Variants in SMIM36 observed in about 807,000 individuals in gnomAD.
SMIM36 encodes the protein small integral membrane protein 36.
Position 55,491,459 on chromosome 17 carries a change from C to T in SMIM36, c.*175-11879G>A, listed in dbSNP as rs1909705236. On this transcript the variant is annotated intron_variant, in intron 1 of 4. Coordinates refer to ENST00000636752, the Ensembl canonical transcript of SMIM36. ...AAGAGAAACAACCCCACTAGGGCAG[C>T]TGCTGCTCCAAATTCATTCTCTCCC... 2.0e-5 allele frequency among the ~76,000 whole-genome samples: 3 copies of T among 152,160 alleles called. No homozygotes were observed. In the South Asian group the frequency reaches 6.2e-4, roughly 32 times the overall value.
chr17:55,490,499 C>G (rs1438641034), intron 1 of SMIM36, among the ~76,000 whole-genome samples: 1 of 152,108 alleles, frequency 6.6e-6, no homozygotes, highest in Admixed American at 6.6e-5. Context: ...GGTTTGTACA[C>G]TTGACATTTT....
intron 3 of SMIM36, among the ~76,000 whole-genome samples, chr17:55,469,778 G>A (rs1316398173): frequency 6.6e-6 from 1 of 152,134 alleles, no homozygotes; most frequent in Non-Finnish European, 1.5e-5. Context: ...AGGAGTTCGA[G>A]ACAAGCCTGG....
chr17:55,519,300 T>C, the SMIM36 span, among the ~76,000 whole-genome samples: 45 of 151,968 alleles, frequency 3.0e-4, no homozygotes, highest in East Asian at 8.5e-3. Context: ...AGGAAGGAAA[T>C]AGTTCTGTTA....
At chr17:55,486,688 C>T (rs984941677) in intron 1 of SMIM36, among the ~76,000 whole-genome samples, 5 of 152,172 alleles carry the variant, frequency 3.3e-5, no homozygotes, top group African/African-American at 1.2e-4. Context: ...CGTGCCCTAC[C>T]TTATATTCTA....
chr17:55,517,928 C>A, the SMIM36 span, among the ~76,000 whole-genome samples: 1 of 152,096 alleles, frequency 6.6e-6, no homozygotes, highest in Non-Finnish European at 1.5e-5. Context: ...ATCCCAACAT[C>A]TAAATGTTAA....
chr17:55,517,389 G>A, the SMIM36 span, among the ~76,000 whole-genome samples: 1 of 152,090 alleles, frequency 6.6e-6, no homozygotes, highest in African/African-American at 2.4e-5. Context: ...CATCTCTACT[G>A]AAAATACAAA....
intron 1 of SMIM36, among the ~76,000 whole-genome samples, chr17:55,483,595 C>G (rs540525125): frequency 6.6e-6 from 1 of 152,278 alleles, no homozygotes; most frequent in East Asian, 1.9e-4. Flanking sequence ...CTCTGGGTTT[C>G]TAGTCTGCCT....
At chr17:55,465,172 T>C (rs537900002) in intron 4 of SMIM36, among the ~76,000 whole-genome samples, 7 of 152,302 alleles carry the variant, frequency 4.6e-5, no homozygotes, top group African/African-American at 1.7e-4. Flanking sequence ...AATATTAAAA[T>C]TGGAGACTGT....
exon 1 of SMIM36, chr17:55,510,896 G>A (rs906167179): frequency 2.6e-6 from 1 of 388,676 alleles, no homozygotes; most frequent in Non-Finnish European, 4.5e-6. Flanking sequence ...AGTTACTTTT[G>A]TCACAAAGAA....
At chr17:55,451,293 A>G (rs928574157) in intron 4 of SMIM36, among the ~76,000 whole-genome samples, 1 of 152,166 alleles carries the variant, frequency 6.6e-6, no homozygotes, top group Non-Finnish European at 1.5e-5. Flanking sequence ...ATTTTCTACC[A>G]GTGTCTCCAT....
At chr17:55,494,407 T>TA (rs1567869079) in intron 1 of SMIM36, among the ~76,000 whole-genome samples, 1 of 152,182 alleles carries the variant, frequency 6.6e-6, no homozygotes, top group Non-Finnish European at 1.5e-5. Context: ...TTTAATTTTT[T>TA]AAAAAAACTT....
chr17:55,500,143 C>G (rs1198930098), intron 1 of SMIM36, among the ~76,000 whole-genome samples: 1 of 151,454 alleles, frequency 6.6e-6, no homozygotes, highest in Admixed American at 6.6e-5. Context: ...TTTTTAGAGA[C>G]AGGGCCGTGC....
In SMIM36 at chr17:55,486,358, G is replaced by A. The variant is rs571978411; in HGVS notation, c.*175-6778C>T. Among the ~76,000 whole-genome samples the A allele has an allele frequency of 7.9e-5, 12 of 152,204 alleles. No homozygotes were observed. The South Asian group carries it at 2.1e-3, about 26-fold the overall frequency. On this transcript the variant is annotated intron_variant, in intron 1 of 4. Coordinates refer to ENST00000636752, the Ensembl canonical transcript of SMIM36. The stretch of plus-strand genomic sequence containing the variant: ...CGCCCAGTAAGAGCTTTCTTTTATG[G>A]GGAATCTTAGACAAAATTTCAGAAC...
chr17:55,529,496 G>A, the SMIM36 span, among the ~76,000 whole-genome samples: 4 of 151,816 alleles, frequency 2.6e-5, no homozygotes, highest in South Asian at 2.1e-4. Flanking sequence ...AGCCTGGCAC[G>A]GTGGCTCACG....
At chr17:55,456,441 A>G (rs1598446089) in intron 4 of SMIM36, among the ~76,000 whole-genome samples, 2 of 152,192 alleles carry the variant, frequency 1.3e-5, no homozygotes, top group African/African-American at 4.8e-5. Flanking sequence ...ACAATTTATC[A>G]TTCCATCTTT....
In SMIM36 at chr17:55,505,562, G is replaced by C. The variant is rs1379559103; in HGVS notation, c.*174+5317C>G. On this transcript the variant is annotated intron_variant, in intron 1 of 4. Coordinates refer to ENST00000636752, the Ensembl canonical transcript of SMIM36. ...AAAAACTCTCAATCAATTAGGTATT[G>C]ATGGGACGTATCTCAAAATAATAAG... Among the ~76,000 whole-genome samples the C allele has an allele frequency of 2.9e-5, 2 of 69,740 alleles. 1 individual carries two copies. Among genetic ancestry groups the C allele is most frequent in the Admixed American group, 2.8e-4 (2 of 7,268 alleles). The allele number at this position is 69,740 out of a possible 152,430, so 45.8% of individuals were successfully genotyped here. A position where few individuals can be genotyped will look rare whatever the true frequency, so the allele number is the denominator to read the frequency against.
At chr17:55,479,903 CTT>C (rs1909491133) in intron 1 of SMIM36, among the ~76,000 whole-genome samples, 2 of 152,164 alleles carry the variant, frequency 1.3e-5, no homozygotes, top group South Asian at 4.1e-4. Context: ...CTGGAGAACA[CTT>C]TTACTTCCTA....
intron 1 of SMIM36, among the ~76,000 whole-genome samples, chr17:55,499,149 A>G (rs531657653): frequency 6.6e-6 from 1 of 152,224 alleles, no homozygotes; most frequent in East Asian, 1.9e-4. Context: ...TTGGAATATT[A>G]GGAGATGTTC....
chr17:55,487,102 C>G lies in SMIM36; in HGVS notation c.*175-7522G>C, dbSNP rs559845669. 2.1e-3 allele frequency among the ~76,000 whole-genome samples: 307 copies of G among 149,492 alleles called. 2 individuals carry two copies. In the Middle Eastern group the frequency reaches 0.034, roughly 17 times the overall value. ...ATAATGGAAACGTGTCCCTATGGAA[C>G]AGAAAACCAAACACCGCATGTTCTC... is the stretch of plus-strand genomic sequence containing the variant. On this transcript the variant is annotated intron_variant, in intron 1 of 4. Coordinates refer to ENST00000636752, the Ensembl canonical transcript of SMIM36.
Sources: allele counts gnomAD v4.1 joint callset (sites outside exome capture counted in the v4.1 genomes callset), GRCh38; gene constraint gnomAD v4.1.1; transcripts MANE v1.5; gene names NCBI Gene and HGNC (gene_info 2026-07-23, HGNC 2026-07-21).